CTNNBL1: variants seen among roughly 807,000 people sequenced by gnomAD.
CTNNBL1 encodes catenin beta like 1, also known as beta-catenin-like protein 1.
Under a neutral mutation model 72.7 loss-of-function variants are expected in CTNNBL1, and 31 were observed. The ratio of observed to expected loss-of-function variants is 0.43; its 90% CI spans 0.32 to 0.58. The LOEUF (loss-of-function observed/expected upper bound fraction) is 0.58. Among genes scored for constraint, CTNNBL1 ranks in the 20% least tolerant of loss-of-function variants. The probability of loss-of-function intolerance (pLI) is 0.08; values close to 1 mark genes in which losing one functional copy is unlikely to be tolerated. For synonymous variants in CTNNBL1, 240 were observed against 267.3 expected (o/e 0.90, Z 1.00); for missense variants, 534 against 725.1 (o/e 0.74, Z 3.03).
chr20:37,710,569 C>T (rs1169829628), intron 1 of CTNNBL1, among the ~76,000 whole-genome samples: 1 of 152,130 alleles, frequency 6.6e-6, no homozygotes, highest in Non-Finnish European at 1.5e-5. Flanking sequence ...TCTTTGCCCC[C>T]CCCACTGCCA....
intron 11 of CTNNBL1, among the ~76,000 whole-genome samples, chr20:37,811,663 C>G (rs894111425): frequency 1.3e-5 from 2 of 152,098 alleles, no homozygotes; most frequent in African/African-American, 2.4e-5. Flanking sequence ...AAGGATTTAC[C>G]CAGCTCCCAA....
intron 1 of CTNNBL1, among the ~76,000 whole-genome samples, chr20:37,730,200 C>G (rs183383812): frequency 6.6e-6 from 1 of 152,284 alleles, no homozygotes; most frequent in Non-Finnish European, 1.5e-5. Flanking sequence ...AAAATTTTCT[C>G]TTATTACCAA....
At chr20:37,852,621 A>G (rs1021994077) in intron 13 of CTNNBL1, among the ~76,000 whole-genome samples, 1 of 152,174 alleles carries the variant, frequency 6.6e-6, no homozygotes, top group African/African-American at 2.4e-5. Context: ...TCAAAGCCAA[A>G]AGGACCTTCA....
At chr20:37,716,436 T>C (rs1568748369) in intron 1 of CTNNBL1, among the ~76,000 whole-genome samples, 1 of 152,210 alleles carries the variant, frequency 6.6e-6, no homozygotes, top group South Asian at 2.1e-4. Context: ...TCTCTGTTTT[T>C]TTTCCAGGTG....
intron 13 of CTNNBL1, among the ~76,000 whole-genome samples, chr20:37,856,226 G>A (rs16986987): frequency 0.027 from 3,912 of 146,258 alleles, 179 homozygotes; most frequent in African/African-American, 0.093. Context: ...AGCCTACTAA[G>A]CAAAAAAATG....
intron 13 of CTNNBL1, among the ~76,000 whole-genome samples, chr20:37,852,751 G>A (rs6013249): frequency 1.9e-3 from 290 of 152,220 alleles, no homozygotes; most frequent in African/African-American, 6.5e-3. Flanking sequence ...TCGGCTTCAC[G>A]ACGGTTTTTT....
intron 10 of CTNNBL1, among the ~76,000 whole-genome samples, chr20:37,802,525 TAAAA>T (rs1223081449): frequency 6.6e-6 from 1 of 152,194 alleles, no homozygotes; most frequent in Non-Finnish European, 1.5e-5. Flanking sequence ...ATAAAGCTGT[TAAAA>T]AGAAAGAAAA....
chr20:37,846,638 C>T (rs1417380541), intron 13 of CTNNBL1, among the ~76,000 whole-genome samples: 1 of 152,116 alleles, frequency 6.6e-6, no homozygotes, highest in Non-Finnish European at 1.5e-5. Context: ...CGCCCCCGCA[C>T]ATGTGTACAT....
intron 2 of CTNNBL1, among the ~76,000 whole-genome samples, chr20:37,735,353 G>T (rs1002470199): frequency 2.6e-5 from 4 of 152,208 alleles, no homozygotes; most frequent in African/African-American, 7.2e-5. Flanking sequence ...CTGGTTTGGG[G>T]TTGGAGAGAT....
At chr20:37,770,409 A>G (rs1302628974) in intron 7 of CTNNBL1, among the ~76,000 whole-genome samples, 1 of 152,232 alleles carries the variant, frequency 6.6e-6, no homozygotes, top group Non-Finnish European at 1.5e-5. Context: ...GGGAGTAGCC[A>G]CACGTTAGGG....
chr20:37,695,296 C>T (rs1261311075), intron 1 of CTNNBL1, among the ~76,000 whole-genome samples: 1 of 152,198 alleles, frequency 6.6e-6, no homozygotes, highest in Non-Finnish European at 1.5e-5. Context: ...TAGCCTTAAA[C>T]TCCTAGGTCT....
chr20:37,786,136 G>A (rs1437803708), intron 10 of CTNNBL1, among the ~76,000 whole-genome samples: 1 of 152,174 alleles, frequency 6.6e-6, no homozygotes, highest in Non-Finnish European at 1.5e-5. Flanking sequence ...GTGCTGAGCT[G>A]CCTGGTGCTG....
chr20:37,723,574 A>C (rs1216200725), intron 1 of CTNNBL1, among the ~76,000 whole-genome samples: 1 of 152,214 alleles, frequency 6.6e-6, no homozygotes, highest in African/African-American at 2.4e-5. Context: ...TTTTGAAGCC[A>C]GTCTTGCAAA....
chr20:37,719,778 A>G (rs1362705134), intron 1 of CTNNBL1, among the ~76,000 whole-genome samples: 1 of 151,424 alleles, frequency 6.6e-6, no homozygotes, highest in African/African-American at 2.4e-5. Context: ...TTTTGTTTTC[A>G]TCCTGCATTT....
At chr20:37,836,095 G>A (rs1225129047) in intron 11 of CTNNBL1, among the ~76,000 whole-genome samples, 9 of 152,188 alleles carry the variant, frequency 5.9e-5, no homozygotes. Context: ...TTGGTAGGGG[G>A]TGAAGGGAAT....
At chr20:37,698,905 G>A (rs1171245450) in intron 1 of CTNNBL1, among the ~76,000 whole-genome samples, 1 of 152,120 alleles carries the variant, frequency 6.6e-6, no homozygotes, top group East Asian at 1.9e-4. Context: ...AATCAGCTGG[G>A]CATGGTGGTG....
chr20:37,862,458 A>C (rs1318372563), intron 15 of CTNNBL1, among the ~76,000 whole-genome samples: 1 of 152,128 alleles, frequency 6.6e-6, no homozygotes, highest in Non-Finnish European at 1.5e-5. Context: ...TTTCTTTCTC[A>C]AACCCTGCCA....
At chr20:37,860,508 C>T (rs2072482837) in intron 15 of CTNNBL1, among the ~76,000 whole-genome samples, 164 bp downstream of exon 15, 1 of 152,196 alleles carries the variant, frequency 6.6e-6, no homozygotes, top group Non-Finnish European at 1.5e-5. Context: ...TGTCAGAATA[C>T]GGAAGACTAG....
chr20:37,695,994 G>A (rs1040668699), intron 1 of CTNNBL1, among the ~76,000 whole-genome samples: 8 of 152,334 alleles, frequency 5.3e-5, no homozygotes, highest in African/African-American at 1.4e-4. Flanking sequence ...CAGTTTAATT[G>A]ATAGTGAAAG....
Sources: allele counts gnomAD v4.1 joint callset (sites outside exome capture counted in the v4.1 genomes callset), GRCh38; gene constraint gnomAD v4.1.1; transcripts MANE v1.5; gene names NCBI Gene and HGNC (gene_info 2026-07-23, HGNC 2026-07-21).